Variants in ERC1 observed in about 807,000 individuals in gnomAD.
ERC1 encodes the protein ELKS/RAB6-interacting/CAST family member 1.
ERC1 carries 56 observed loss-of-function variants against 132.0 expected under a neutral mutation model. The observed-to-expected ratio is 0.42, with a 90% CI of 0.34 to 0.53. The LOEUF (loss-of-function observed/expected upper bound fraction) is 0.53. Among genes scored for constraint, ERC1 ranks in the 20% least tolerant of loss-of-function variants. The probability of loss-of-function intolerance (pLI) is 0.03; values close to 1 mark genes in which losing one functional copy is unlikely to be tolerated. For synonymous variants in ERC1, 478 were observed against 476.1 expected, an observed-to-expected ratio of 1.00 and a Z score of -0.05; for missense variants, 1,202 against 1,349.9, an observed-to-expected ratio of 0.89 and a Z score of 1.72.
chr12:1,141,493 G>A (rs1390243506), intron 7 of ERC1, 127 bp from the exon 8 acceptor site: 1 of 617,290 alleles, frequency 1.6e-6, no homozygotes, highest in Non-Finnish European at 2.5e-6. Flanking sequence ...AAACATAGAT[G>A]TAGATAATAC....
At chr12:1,028,763 C>G (rs1967372427) in intron 2 of ERC1, among the ~76,000 whole-genome samples, 191 bp downstream of exon 2, 1 of 151,974 alleles carries the variant, frequency 6.6e-6, no homozygotes, top group Admixed American at 6.6e-5. Context: ...TTTCTTCTAG[C>G]TGCCCATGTC....
chr12:1,044,006 G>C (rs1023207662), intron 2 of ERC1, among the ~76,000 whole-genome samples: 10 of 152,066 alleles, frequency 6.6e-5, no homozygotes, highest in African/African-American at 2.4e-4. Flanking sequence ...GTATGTGGGA[G>C]TGGGCTTATT....
chr12:1,379,751 G>A (rs188832498), intron 16 of ERC1, among the ~76,000 whole-genome samples: 1 of 152,302 alleles, frequency 6.6e-6, no homozygotes, highest in African/African-American at 2.4e-5. Flanking sequence ...GAGAGAGGAA[G>A]AGAGCAACCA....
chr12:1,033,469 C>T (rs999765595), intron 2 of ERC1, among the ~76,000 whole-genome samples: 1 of 150,810 alleles, frequency 6.6e-6, no homozygotes, highest in South Asian at 2.1e-4. Flanking sequence ...CCGCACCCAG[C>T]CTTTTTTTTT....
At position 1,122,518 on chromosome 12, in the gene ERC1, T is replaced by C. The variant is rs1445725955; in HGVS notation, c.1569+6485T>C. Among the ~76,000 whole-genome samples, 4 of 15,600 alleles carry C rather than the reference T, an allele frequency of 2.6e-4. 1 individual carries two copies. Among genetic ancestry groups the C allele is most frequent in the African/African-American group, 5.8e-4 (4 of 6,934 alleles). The allele number at this position is 15,600 out of a possible 152,430, so 10.2% of individuals were successfully genotyped here. On this transcript the variant is annotated intron_variant, in intron 7 of 18. Transcript: ENST00000360905. Reference sequence around the variant, plus strand: ...ATCTCTATCTCTATCTCTATCTGTGTCTCTATCTCTATCTCTATCTCTATC... The same window carrying C: ...ATCTCTATCTCTATCTCTATCTGTGCCTCTATCTCTATCTCTATCTCTATC...
intron 13 of ERC1, among the ~76,000 whole-genome samples, chr12:1,256,561 T>C (rs773179067): frequency 1.2e-4 from 18 of 150,936 alleles, no homozygotes; most frequent in Non-Finnish European, 1.2e-4. Context: ...CTTTGATGAT[T>C]GGCCTATCAC....
Position 1,092,123 on chromosome 12 carries a change from C to G in ERC1, c.1086+8543C>G, listed in dbSNP as rs752098082. On this transcript the variant is annotated intron_variant, in intron 3 of 18. Transcript: ENST00000360905. Reference sequence around the variant, plus strand: ...AAGCGATTCTCCTGCTTCAGCCTCCCGAGTAGCTGGGATTACAGGCACCCA... The same window carrying G: ...AAGCGATTCTCCTGCTTCAGCCTCCGGAGTAGCTGGGATTACAGGCACCCA... 2.6e-5 allele frequency among the ~76,000 whole-genome samples: 4 copies of G among 152,040 alleles called. No individual in the cohort carries two copies. The East Asian group carries it at 7.7e-4, about 29-fold the overall frequency.
intron 7 of ERC1, among the ~76,000 whole-genome samples, chr12:1,130,368 T>C (rs1234473923): frequency 6.6e-6 from 1 of 152,146 alleles, no homozygotes; most frequent in Non-Finnish European, 1.5e-5. Context: ...TAAGGCTTTG[T>C]TGATCTTAGT....
intron 17 of ERC1, 144 bp downstream of exon 17, chr12:1,408,391 T>G: frequency 3.7e-6 from 2 of 545,084 alleles, no homozygotes; most frequent in South Asian, 3.2e-5. Flanking sequence ...CTCTACTCTT[T>G]TCAAAAAAAT....
intron 11 of ERC1, among the ~76,000 whole-genome samples, chr12:1,184,241 T>G (rs1954818997): frequency 6.6e-6 from 1 of 152,134 alleles, no homozygotes; most frequent in Non-Finnish European, 1.5e-5. Flanking sequence ...AATATCCTGT[T>G]TCAGATTTTA....
chr12:1,329,917 G>A (rs193299729), intron 15 of ERC1, among the ~76,000 whole-genome samples: 541 of 152,238 alleles, frequency 3.6e-3, no homozygotes, highest in Non-Finnish European at 5.7e-3. Context: ...TAGTGTGCTT[G>A]GTTTCTCCTT....
intron 16 of ERC1, among the ~76,000 whole-genome samples, chr12:1,398,528 T>A (rs1369069871): frequency 6.6e-6 from 1 of 152,216 alleles, no homozygotes; most frequent in Non-Finnish European, 1.5e-5. Context: ...TGTTAACCAA[T>A]AATTTTCTCC....
chr12:1,292,338 G>T (rs2079514131), intron 15 of ERC1, among the ~76,000 whole-genome samples: 1 of 152,194 alleles, frequency 6.6e-6, no homozygotes, highest in Non-Finnish European at 1.5e-5. Flanking sequence ...GCAGTTAGTT[G>T]TAAGTCATTC....
intron 14 of ERC1, among the ~76,000 whole-genome samples, chr12:1,282,574 G>A (rs1045487133): frequency 2.0e-5 from 3 of 152,176 alleles, no homozygotes; most frequent in Non-Finnish European, 4.4e-5. Context: ...GTAAATGATA[G>A]CCTAAAGCTC....
intron 10 of ERC1, 22 bp downstream of exon 10, chr12:1,182,087 T>C (rs1381457469): frequency 3.1e-6 from 5 of 1,609,704 alleles, no homozygotes; most frequent in Middle Eastern, 1.7e-4. Context: ...CAAAATGGAA[T>C]TAGTTTGTTT....
At chr12:1,267,381 G>A (rs2077546573) in intron 14 of ERC1, among the ~76,000 whole-genome samples, 1 of 152,214 alleles carries the variant, frequency 6.6e-6, no homozygotes, top group Non-Finnish European at 1.5e-5. Context: ...ATTGCCAGGG[G>A]CTAAGGAGCA....
intron 7 of ERC1, among the ~76,000 whole-genome samples, chr12:1,117,777 T>C (rs1946608201): frequency 6.6e-6 from 1 of 152,252 alleles, no homozygotes; most frequent in Non-Finnish European, 1.5e-5. Context: ...AACTAATGCA[T>C]ATACTGTTGA....
chr12:1,336,420 C>A (rs894036724), intron 15 of ERC1, among the ~76,000 whole-genome samples: 2 of 152,248 alleles, frequency 1.3e-5, no homozygotes, highest in African/African-American at 4.8e-5. Context: ...ATTGTCTTAG[C>A]TGTGTCCCAG....
chr12:1,387,608 G>A (rs1444119829), intron 16 of ERC1, among the ~76,000 whole-genome samples: 1 of 152,202 alleles, frequency 6.6e-6, no homozygotes, highest in Admixed American at 6.5e-5. Context: ...AGAAGATAAG[G>A]TGATATAAAG....
Sources: gnomAD v4.1 joint callset for allele counts (sites outside exome capture counted in the v4.1 genomes callset) on GRCh38, gnomAD v4.1.1 for gene constraint, MANE v1.5 for transcripts, NCBI Gene and HGNC (gene_info 2026-07-23, HGNC 2026-07-21) for gene names.